Variants in EXOC6B observed in about 807,000 individuals in gnomAD.
EXOC6B encodes exocyst complex component 6B.
In EXOC6B, 54 loss-of-function variants were observed where a neutral mutation model predicts 113.5. The observed-to-expected ratio is 0.48, with a 90% confidence interval of 0.38 to 0.60. The LOEUF (loss-of-function observed/expected upper bound fraction) is 0.60. EXOC6B is among the 20% of genes least tolerant of loss of function. The probability of loss-of-function intolerance (pLI) is 0.00; values close to 1 mark genes in which losing one functional copy is unlikely to be tolerated. For synonymous variants in EXOC6B, 357 were observed against 339.0 expected (o/e 1.05, Z -0.58); for missense variants, 797 against 977.5 (o/e 0.82, Z 2.46).
intron 20 of EXOC6B, among the ~76,000 whole-genome samples, chr2:72,217,296 T>C (rs1445885041): frequency 2.6e-5 from 4 of 152,170 alleles, no homozygotes; most frequent in Non-Finnish European, 4.4e-5. Context: ...CCCTCTTAGC[T>C]ACTTTCTCTC....
intron 1 of EXOC6B, among the ~76,000 whole-genome samples, chr2:72,762,199 G>A (rs1277335644): frequency 6.7e-6 from 1 of 150,030 alleles, no homozygotes; most frequent in African/African-American, 2.5e-5. Context: ...AGCCGAGATG[G>A]TGCCACTGAA....
chr2:72,753,336 C>T (rs1363106037), intron 1 of EXOC6B, among the ~76,000 whole-genome samples: 2 of 152,190 alleles, frequency 1.3e-5, no homozygotes, highest in Non-Finnish European at 1.5e-5. Flanking sequence ...ACACCAGCCA[C>T]TGAGTTACCT....
intron 5 of EXOC6B, among the ~76,000 whole-genome samples, chr2:72,721,364 TAAAA>T (rs11408155): frequency 3.5e-5 from 1 of 28,500 alleles, no homozygotes; most frequent in East Asian, 7.5e-4. Context: ...GTTGTTTTTG[TAAAA>T]AAAAAAAAAA....
intron 6 of EXOC6B, among the ~76,000 whole-genome samples, chr2:72,643,884 C>T: frequency 6.6e-6 from 1 of 151,508 alleles, no homozygotes; most frequent in Admixed American, 6.6e-5. Context: ...AACAGAGCGC[C>T]TCTTCTCCTC....
At chr2:72,325,812 T>C (rs1237103339) in intron 20 of EXOC6B, among the ~76,000 whole-genome samples, 3 of 152,022 alleles carry the variant, frequency 2.0e-5, no homozygotes, top group Non-Finnish European at 4.4e-5. Context: ...CTCATACCTT[T>C]ACCCATTCCT....
intron 19 of EXOC6B, among the ~76,000 whole-genome samples, chr2:72,351,068 A>G (rs539693064): frequency 1.0e-3 from 158 of 152,292 alleles, no homozygotes; most frequent in African/African-American, 3.7e-3. Flanking sequence ...CAGCTGAGAA[A>G]GAGATTCCAG....
chr2:72,290,687 GA>G (rs1323254215), intron 20 of EXOC6B, among the ~76,000 whole-genome samples: 3 of 151,624 alleles, frequency 2.0e-5, no homozygotes, highest in Admixed American at 6.6e-5. Flanking sequence ...AACCAAACTT[GA>G]AAACTATAAA....
intron 6 of EXOC6B, among the ~76,000 whole-genome samples, chr2:72,706,030 A>G (rs1678848498): frequency 6.6e-6 from 1 of 152,230 alleles, no homozygotes; most frequent in South Asian, 2.1e-4. Flanking sequence ...ATAGAAGAAT[A>G]AATGTATCAG....
chr2:72,562,002 T>G (rs1339889390), intron 7 of EXOC6B, among the ~76,000 whole-genome samples: 1 of 152,128 alleles, frequency 6.6e-6, no homozygotes, highest in Non-Finnish European at 1.5e-5. Flanking sequence ...AACCTTTACC[T>G]CTACTCCCAA....
At chr2:72,467,895 C>T (rs770961420) in intron 17 of EXOC6B, among the ~76,000 whole-genome samples, 35 of 151,996 alleles carry the variant, frequency 2.3e-4, no homozygotes, top group Non-Finnish European at 4.1e-4. Context: ...CTCACCCTCC[C>T]GAGTAGCTGG....
intron 6 of EXOC6B, among the ~76,000 whole-genome samples, chr2:72,639,821 G>A (rs1673101380): frequency 1.3e-5 from 2 of 152,024 alleles, no homozygotes; most frequent in Non-Finnish European, 2.9e-5. Context: ...TACCACAATC[G>A]TATTCTCAAA....
At chr2:72,529,355 T>A (rs946888106) in intron 8 of EXOC6B, among the ~76,000 whole-genome samples, 3 of 152,238 alleles carry the variant, frequency 2.0e-5, no homozygotes, top group African/African-American at 7.2e-5. Flanking sequence ...TATACATTAC[T>A]GTAATCTACT....
chr2:72,274,530 G>T (rs1684697752), intron 20 of EXOC6B, among the ~76,000 whole-genome samples: 1 of 152,124 alleles, frequency 6.6e-6, no homozygotes, highest in African/African-American at 2.4e-5. Context: ...GTATTCTACA[G>T]GAAAGACAAG....
intron 5 of EXOC6B, among the ~76,000 whole-genome samples, chr2:72,721,179 A>C (rs1177800209): frequency 6.6e-6 from 1 of 151,800 alleles, no homozygotes; most frequent in Non-Finnish European, 1.5e-5. Context: ...AAATACAAAA[A>C]TTAGTCGGGC....
rs374842189 is a variant in EXOC6B at position 72,475,101 on chromosome 2, C to T, written c.1800+5515G>A. On this transcript the variant is annotated intron_variant, in intron 17 of 21. Coordinates refer to ENST00000272427, the MANE Select transcript of EXOC6B (RefSeq NM_015189.3). ...TGTGGTTTTGCTGGGGACTGTAACA[C>T]CAGGTAGGTCGGTCTTTGAGCCCCA... is the stretch of plus-strand genomic sequence containing the variant. Among the ~76,000 whole-genome samples, 18 of 152,210 alleles carry T rather than the reference C, an allele frequency of 1.2e-4. No homozygotes were observed. The East Asian group carries it at 1.9e-3, about 16-fold the overall frequency.
chr2:72,386,948 T>C (rs1398145636), intron 18 of EXOC6B, among the ~76,000 whole-genome samples: 2 of 152,234 alleles, frequency 1.3e-5, no homozygotes, highest in East Asian at 3.8e-4. Context: ...GATTCATTCA[T>C]ACAGTTGCCT....
intron 20 of EXOC6B, among the ~76,000 whole-genome samples, chr2:72,214,527 T>C (rs1031697084): frequency 1.4e-4 from 21 of 152,058 alleles, no homozygotes; most frequent in South Asian, 2.1e-4. Flanking sequence ...TCACACATGA[T>C]TGTGGTAACC....
At chr2:72,344,780 T>C (rs1413938393) in intron 19 of EXOC6B, among the ~76,000 whole-genome samples, 1 of 151,710 alleles carries the variant, frequency 6.6e-6, no homozygotes, top group East Asian at 1.9e-4. Flanking sequence ...TAGTCTTTAA[T>C]GTTTGGCTCC....
intron 20 of EXOC6B, among the ~76,000 whole-genome samples, chr2:72,243,149 A>G (rs961943889): frequency 4.4e-4 from 67 of 152,242 alleles, no homozygotes; most frequent in African/African-American, 1.6e-3. Context: ...GTTCAGCATG[A>G]ATGGGGAGGC....
Sources: allele counts gnomAD v4.1 joint callset (sites outside exome capture counted in the v4.1 genomes callset), GRCh38; gene constraint gnomAD v4.1.1; transcripts MANE v1.5; gene names NCBI Gene and HGNC (gene_info 2026-07-23, HGNC 2026-07-21).